The following MIER1 variants were observed in gnomAD, a reference collection of about 807,000 sequenced individuals.
MIER1 encodes MIER1 transcriptional regulator.
MIER1 carries 40 observed loss-of-function variants against 75.7 expected under a neutral mutation model. The observed-to-expected ratio is 0.53, with a 90% CI of 0.41 to 0.69. The LOEUF (loss-of-function observed/expected upper bound fraction) is 0.69, where lower values mean the gene tolerates loss of function less well. MIER1 is among the 30% of genes least tolerant of loss of function. The pLI is 0.00. For missense variants in MIER1, 574 were observed against 680.2 expected, an observed-to-expected ratio of 0.84 and a Z score of 1.74; for synonymous variants, 213 against 223.4, an observed-to-expected ratio of 0.95 and a Z score of 0.42.
chr1:66,951,950 A>G (rs1346329056), intron 4 of MIER1, among the ~76,000 whole-genome samples: 1 of 152,208 alleles, frequency 6.6e-6, no homozygotes, highest in East Asian at 1.9e-4. Context: ...CAGTTCTACT[A>G]CTTATTTCAG....
chr1:66,926,613 A>C (rs1651858086), intron 2 of MIER1, among the ~76,000 whole-genome samples: 1 of 152,206 alleles, frequency 6.6e-6, no homozygotes, highest in Non-Finnish European at 1.5e-5. Flanking sequence ...TAATAGGCTA[A>C]GTTTTTTAGA....
chr1:66,973,480 G>A (rs985501047), intron 11 of MIER1, among the ~76,000 whole-genome samples: 1 of 151,836 alleles, frequency 6.6e-6, no homozygotes, highest in Non-Finnish European at 1.5e-5. Flanking sequence ...CTTCTGTGTC[G>A]ATAAATCAGC....
Position 66,963,070 on chromosome 1 carries a change from A to G in MIER1, c.700-18A>G. 1.9e-6 allele frequency: 3 copies of G among 1,554,668 alleles called. No individual in the cohort carries two copies. Among genetic ancestry groups the G allele is most frequent in the Non-Finnish European group, 2.7e-6 (3 of 1,127,500 alleles). ...TGTTACTAGATCTTACTAATGTTTT[A>G]TGTTATTTTTAAAATAGGAGATTAT... On this transcript the variant is annotated intron_variant, in intron 7 of 13. Transcript: ENST00000401041.
intron 12 of MIER1, among the ~76,000 whole-genome samples, chr1:66,979,004 C>G (rs2102016994): frequency 6.6e-6 from 1 of 152,218 alleles, no homozygotes; most frequent in Non-Finnish European, 1.5e-5. Flanking sequence ...ATAGTGGTCA[C>G]CTGGTATAAT....
At chr1:66,978,807 G>T (rs79504347) in intron 12 of MIER1, among the ~76,000 whole-genome samples, 2,610 of 152,222 alleles carry the variant, frequency 0.017, 31 homozygotes, top group East Asian at 0.032. Flanking sequence ...TGGCTTAGTT[G>T]GTCCTCTGTG....
In MIER1 at chr1:66,958,947, A is replaced by G; in HGVS notation, c.598A>G (p.Ile200Val). ...TGTTGCTTCTCAAGATGCCCAGGAAATAATCCGCCCACGTCGATGTAAATA... is the reference window on the plus strand; with the variant it reads ...TGTTGCTTCTCAAGATGCCCAGGAAGTAATCCGCCCACGTCGATGTAAATA... ...QSVASQDAQEIIRPRRCKYFD... is the reference protein window; with the variant it reads ...QSVASQDAQEVIRPRRCKYFD... The change falls in exon 6 of 14, where the codon ATA becomes GTA. Residue 200 changes from isoleucine (I) to valine (V), a missense_variant. By Grantham distance (29) the Ile-to-Val change is conservative. Transcript: ENST00000401041. The G allele has an allele frequency of 6.2e-7, 1 of 1,613,352 alleles. No individual in the cohort carries two copies. The highest frequency in any genetic ancestry group is 8.5e-7 in the Non-Finnish European group (1 of 1,179,504).
intron 9 of MIER1, among the ~76,000 whole-genome samples, chr1:66,971,313 T>G (rs1468226608): frequency 6.6e-6 from 1 of 152,046 alleles, no homozygotes; most frequent in Non-Finnish European, 1.5e-5. Flanking sequence ...CTTTTTTACC[T>G]TTTTAATCAT....
Position 66,985,495 on chromosome 1 carries a change from G to A in MIER1, c.*595G>A, listed in dbSNP as rs1666662597. 1 of 982,740 alleles carries A rather than the reference G, an allele frequency of 1.0e-6. No individual in the cohort carries two copies. The highest frequency in any genetic ancestry group is 1.2e-6 in the Non-Finnish European group (1 of 827,432). 60.9% of individuals were successfully genotyped at this position (982,740 alleles called of 1,614,324 possible). On this transcript the variant is annotated 3_prime_UTR_variant, in exon 14 of 14. Transcript: ENST00000401041. ...AGGTCAGGTTTGTATATGTAAAATT[G>A]TTGACATCAATGATGTCTTTCCATA...
rs1663446373 is a variant in MIER1, at chr1:66,970,816, A to C, written c.781A>C (p.Asn261His). 1 of 1,552,972 alleles carries C rather than the reference A, an allele frequency of 6.4e-7. No homozygotes were observed. Among genetic ancestry groups the C allele is most frequent in the African/African-American group, 1.4e-5 (1 of 71,164 alleles). Residue 261 changes from asparagine (N) to histidine (H), a missense_variant, in exon 9 of 14, where the codon AAT (asparagine) becomes CAT (histidine). Coordinates refer to ENST00000401041, the MANE Select transcript of MIER1 (RefSeq NM_001077700.3). Reference protein sequence around the residue: ...RYKENEKVYENDDQLLWDPEY... With the variant: ...RYKENEKVYEHDDQLLWDPEY... Reference sequence around the variant, plus strand: ...GTCTTTTACTAATTTAGTATATGAAAATGATGATCAGCTCCTGTGGGACCC... The same window carrying C: ...GTCTTTTACTAATTTAGTATATGAACATGATGATCAGCTCCTGTGGGACCC...
In MIER1 at chr1:66,954,382, C is replaced by A. The variant is rs1050252826; in HGVS notation, c.340-3677C>A. On this transcript the variant is annotated intron_variant, in intron 4 of 13. Transcript: ENST00000401041. ...AGAGAAAGTAGGTAAAAATAGTAAT[C>A]CTGACTTTCATTAATCTATAACTGA... Among the ~76,000 whole-genome samples the A allele has an allele frequency of 2.6e-5, 4 of 152,158 alleles. No individual in the cohort carries two copies. The East Asian group carries it at 5.8e-4, about 22-fold the overall frequency.
intron 5 of MIER1, 121 bp downstream of exon 5, chr1:66,958,341 T>C: frequency 1.5e-6 from 1 of 662,502 alleles, no homozygotes; most frequent in Non-Finnish European, 2.3e-6. Flanking sequence ...TGTTAAAAAT[T>C]AAGATATTAC....
At position 66,970,881 on chromosome 1, in the gene MIER1, A is replaced by G. The variant is rs775699088; in HGVS notation, c.846A>G (p.Lys282=). ...LPEDKVIIFL[K]DASRRTGDEK... Reference sequence around the variant, plus strand: ...AAGATAAAGTGATTATATTTCTTAAAGATGCATCTAGAAGAACAGGTGATG... The same window carrying G: ...AAGATAAAGTGATTATATTTCTTAAGGATGCATCTAGAAGAACAGGTGATG... Residue 282 remains lysine, a synonymous_variant, in exon 9 of 14, where the codon AAA becomes AAG. Transcript: ENST00000401041. The G allele has an allele frequency of 6.9e-6, 11 of 1,599,648 alleles. No homozygotes were observed. The highest frequency in any genetic ancestry group is 9.4e-6 in the Non-Finnish European group (11 of 1,175,390).
chr1:66,930,223 G>C, intron 2 of MIER1: 1 of 1,423,098 alleles, frequency 7.0e-7, no homozygotes. Flanking sequence ...GGCGGAGTGG[G>C]GTGTGGTGGG....
At chr1:66,983,411 T>C (rs907414332) in intron 13 of MIER1, among the ~76,000 whole-genome samples, 2 of 152,234 alleles carry the variant, frequency 1.3e-5, no homozygotes, top group African/African-American at 4.8e-5. Flanking sequence ...TATTTGAGGC[T>C]CATCCTTTAT....
At chr1:66,934,525 G>C (rs570502281) in intron 2 of MIER1, among the ~76,000 whole-genome samples, 1 of 149,500 alleles carries the variant, frequency 6.7e-6, no homozygotes, top group East Asian at 2.0e-4. Context: ...CCTTCCCTCA[G>C]AGCCTCTCAA....
intron 10 of MIER1, among the ~76,000 whole-genome samples, 171 bp from the exon 11 acceptor site, chr1:66,972,726 T>G (rs978337832): frequency 2.0e-5 from 3 of 152,056 alleles, no homozygotes; most frequent in African/African-American, 7.2e-5. Flanking sequence ...TTCAAAATCT[T>G]ATTAAATAAG....
intron 2 of MIER1, among the ~76,000 whole-genome samples, chr1:66,939,626 T>C (rs1310875629): frequency 1.3e-5 from 2 of 152,164 alleles, no homozygotes; most frequent in African/African-American, 4.8e-5. Flanking sequence ...CACTCACTTT[T>C]TTTAAGTCGG....
At position 66,986,460 on chromosome 1, in the gene MIER1, C is replaced by G. The variant is rs1417789186; in HGVS notation, c.*1560C>G. ...TCAGCCATCAGTTCAAGAGCCAATGCCTTTTTAAAATAAAGCTTCTGTGGT... is the reference window on the plus strand; with the variant it reads ...TCAGCCATCAGTTCAAGAGCCAATGGCTTTTTAAAATAAAGCTTCTGTGGT... On this transcript the variant is annotated 3_prime_UTR_variant, in exon 14 of 14. Transcript: ENST00000401041. 2 of 1,608,946 alleles carry G rather than the reference C, an allele frequency of 1.2e-6. No homozygotes were observed. Among genetic ancestry groups the G allele is most frequent in the South Asian group, 2.2e-5 (2 of 90,990 alleles).
At chr1:66,928,427 C>T (rs1652334700) in intron 2 of MIER1, among the ~76,000 whole-genome samples, 1 of 152,140 alleles carries the variant, frequency 6.6e-6, no homozygotes, top group Non-Finnish European at 1.5e-5. Flanking sequence ...TATTGTAACA[C>T]TTTTAATTTT....
Sources: allele counts gnomAD v4.1 joint callset (sites outside exome capture counted in the v4.1 genomes callset), GRCh38; gene constraint gnomAD v4.1.1; transcripts MANE v1.5; gene names NCBI Gene and HGNC (gene_info 2026-07-23, HGNC 2026-07-21).